The following RBM7 variants were observed in gnomAD, a reference collection of about 807,000 sequenced individuals.
RBM7 encodes RNA binding motif protein 7.
Under a neutral mutation model 31.0 loss-of-function variants are expected in RBM7, and 13 were observed. The ratio of observed to expected loss-of-function variants is 0.42; its 90% CI spans 0.27 to 0.67. The LOEUF is 0.67. Ranked by LOEUF, RBM7 falls within the 30% of genes least tolerant of loss-of-function variation. RBM7 has a pLI of 0.24. For synonymous variants in RBM7, 106 were observed against 111.2 expected (o/e 0.95, Z 0.30); for missense variants, 245 against 326.2 (o/e 0.75, Z 1.92).
intron 3 of RBM7, among the ~76,000 whole-genome samples, chr11:114,403,535 T>C (rs1946230679): frequency 6.6e-6 from 1 of 152,206 alleles, no homozygotes; most frequent in African/African-American, 2.4e-5. Flanking sequence ...TTTATTTGCT[T>C]TGGGGAGGTT....
rs1295115454 is a variant in RBM7, at chr11:114,406,086, T to C, written c.441+287T>C. ...AAAACTGCTTTTACATTTGTTTTTC[T>C]TTTCAACCATCATTTACTCATTGTC... On this transcript the variant is annotated intron_variant, in intron 4 of 4. Transcript: ENST00000375490. 1.4e-5 allele frequency: 4 copies of C among 287,922 alleles called. No individual in the cohort carries two copies. In the East Asian group the frequency reaches 3.8e-4, roughly 28 times the overall value. 17.8% of individuals were successfully genotyped at this position (287,922 alleles called of 1,614,324 possible). A position where few individuals can be genotyped will look rare whatever the true frequency, so the allele number is the denominator to read the frequency against.
rs1424241387 is a variant in RBM7, at chr11:114,405,806, T to G, written c.441+7T>G. On this transcript the variant is annotated splice_region_variant and intron_variant, in intron 4 of 4. Coordinates refer to ENST00000375490, the MANE Select transcript of RBM7 (RefSeq NM_001286045.2). ...TTTTCAGAGACAAGCAGTGGTAGGT[T>G]GACTATTTTTCAACTTGAATTGCCA... The G allele has an allele frequency of 6.5e-7, 1 of 1,546,498 alleles. No individual in the cohort carries two copies. The highest frequency in any genetic ancestry group is 8.8e-7 in the Non-Finnish European group (1 of 1,137,998).
intron 1 of RBM7, among the ~76,000 whole-genome samples, chr11:114,401,140 A>C (rs1946194327): frequency 6.6e-6 from 1 of 152,166 alleles, no homozygotes; most frequent in Non-Finnish European, 1.5e-5. Context: ...CTGGGAACTT[A>C]ATATTTTAAT....
intron 4 of RBM7, 62 bp downstream of exon 4, chr11:114,405,861 G>A (rs995770762): frequency 1.5e-5 from 18 of 1,186,144 alleles, no homozygotes; most frequent in Non-Finnish European, 1.9e-5. Flanking sequence ...TAAAATGTTC[G>A]CATTGTATCA....
intron 4 of RBM7, 25 bp from the exon 5 acceptor site, chr11:114,407,420 C>A: frequency 6.3e-7 from 1 of 1,585,062 alleles, no homozygotes; most frequent in Non-Finnish European, 8.6e-7. Flanking sequence ...GAAGTATTAA[C>A]ATTTCCACTT....
rs2135348678 is a variant in RBM7 at position 114,401,832 on chromosome 11, A to G, written c.231A>G (p.Gly77=). The G allele has an allele frequency of 6.3e-7, 1 of 1,591,856 alleles. No homozygotes were observed. Among genetic ancestry groups the G allele is most frequent in the Non-Finnish European group, 8.5e-7 (1 of 1,172,604 alleles). ...TACTTAATGGAATCAAACTTTATGG[A>G]AGGCCTATCAAAATTCAATTTAGAT... ...MNLLNGIKLY[G]RPIKIQFRSG... The change falls in exon 2 of 5, where the codon GGA becomes GGG. Residue 77 remains glycine (G), a synonymous_variant. Transcript: ENST00000375490.
intron 2 of RBM7, 129 bp downstream of exon 2, chr11:114,401,989 A>G (rs1946208653): frequency 1.1e-6 from 1 of 922,078 alleles, no homozygotes; most frequent in Non-Finnish European, 1.6e-6. Context: ...AACTTTATAT[A>G]GCAAACTTTA....
intron 2 of RBM7, 104 bp from the exon 3 acceptor site, chr11:114,402,724 C>T: frequency 1.9e-6 from 2 of 1,026,618 alleles, no homozygotes; most frequent in South Asian, 1.4e-5. Flanking sequence ...AGATTTTTCT[C>T]TTTTAGATTG....
In RBM7 at chr11:114,402,854, A is replaced by G. The variant is rs758154213; in HGVS notation, c.286A>G (p.Ser96Gly). The change falls in exon 3 of 5, where the codon AGT (serine) becomes GGT (glycine). Residue 96 changes from serine (S) to glycine (G), a missense_variant. Physicochemically the swap from Ser to Gly is moderately conservative, Grantham distance 56. Coordinates refer to ENST00000375490, the MANE Select transcript of RBM7 (RefSeq NM_001286045.2). Reference sequence around the variant, plus strand: ...AAGTAGTCATGCCCCACAAGATGTCAGTTTGTCATATCCCCAACATCATGT... The same window carrying G: ...AAGTAGTCATGCCCCACAAGATGTCGGTTTGTCATATCCCCAACATCATGT... ...SGSSHAPQDV[S>G]LSYPQHHVGN... The G allele has an allele frequency of 2.5e-6, 4 of 1,613,092 alleles. No homozygotes were observed. The highest frequency in any genetic ancestry group is 2.2e-5 in the East Asian group (1 of 44,862).
At position 114,402,908 on chromosome 11, in the gene RBM7, C is replaced by A; in HGVS notation, c.340C>A (p.Pro114Thr). 6.2e-7 allele frequency: 1 copy of A among 1,603,808 alleles called. No homozygotes were observed. Among genetic ancestry groups the A allele is most frequent in the Non-Finnish European group, 8.5e-7 (1 of 1,170,672 alleles). ...AAATTCAAGCCCTACCTCCACATCT[C>A]CTAGCAGGTAATATTTCTCACTTAT... Reference protein sequence around the residue: ...VGNSSPTSTSPSSRYERTMDN... With the variant: ...VGNSSPTSTSTSSRYERTMDN... Residue 114 changes from proline (P) to threonine (T), a missense_variant, in exon 3 of 5, where the codon CCT (proline) becomes ACT (threonine). Pro to Thr is a conservative substitution (Grantham distance 38). Transcript: ENST00000375490.
Position 114,407,434 on chromosome 11 carries a change from C to G in RBM7, c.442-11C>G, listed in dbSNP as rs374756864. On this transcript the variant is annotated splice_polypyrimidine_tract_variant and intron_variant, in intron 4 of 4. Coordinates refer to ENST00000375490, the MANE Select transcript of RBM7 (RefSeq NM_001286045.2). Reference sequence around the variant, plus strand: ...AGAAGTATTAACATTTCCACTTTTCCTATTCCTCAGATGAACAGTGCTTTG... The same window carrying G: ...AGAAGTATTAACATTTCCACTTTTCGTATTCCTCAGATGAACAGTGCTTTG... 1.3e-6 allele frequency: 2 copies of G among 1,596,578 alleles called. No homozygotes were observed. Among genetic ancestry groups the G allele is most frequent in the Non-Finnish European group, 1.7e-6 (2 of 1,169,756 alleles).
chr11:114,400,881 T>G (rs1946190193), intron 1 of RBM7, 114 bp downstream of exon 1: 1 of 1,234,992 alleles, frequency 8.1e-7, no homozygotes, highest in African/African-American at 1.5e-5. Context: ...GGTGGCTGTT[T>G]GGGGGTGAAA....
Position 114,407,849 on chromosome 11 carries a change from C to G in RBM7, c.*42C>G. 2.6e-6 allele frequency: 4 copies of G among 1,528,546 alleles called. No homozygotes were observed. The highest frequency in any genetic ancestry group is 3.5e-6 in the Non-Finnish European group (4 of 1,142,756). The allele number at this position is 1,528,546 out of a possible 1,614,324, so 94.7% of individuals were successfully genotyped here. ...ATTGTTTTTATAGGGTCATTTTAGG[C>G]CCTTTGACTAAGTTGATATGGAAAT... On this transcript the variant is annotated 3_prime_UTR_variant, in exon 5 of 5. Transcript: ENST00000375490.
At position 114,407,551 on chromosome 11, in the gene RBM7, A is replaced by C; in HGVS notation, c.548A>C (p.Asn183Thr). The C allele has an allele frequency of 6.2e-7, 1 of 1,614,200 alleles. No homozygotes were observed. The highest frequency in any genetic ancestry group is 8.5e-7 in the Non-Finnish European group (1 of 1,180,042). ...GTTCAATCACACAGTCATAGTTTCA[A>C]TCAGTCTTCAAGCTCCCAGTGGCGC... ...PSVQSHSHSF[N>T]QSSSSQWRQG... The change falls in exon 5 of 5, where the codon AAT (asparagine) becomes ACT (threonine). Residue 183 changes from asparagine (N) to threonine (T), a missense_variant. Physicochemically the swap from Asn to Thr is moderately conservative, Grantham distance 65. Coordinates refer to ENST00000375490, the MANE Select transcript of RBM7 (RefSeq NM_001286045.2).
At chr11:114,405,611 T>C (rs747269979) in intron 3 of RBM7, 95 bp from the exon 4 acceptor site, 60 of 749,574 alleles carry the variant, frequency 8.0e-5, no homozygotes, top group Non-Finnish European at 1.2e-4. Context: ...TTTCCTGTCT[T>C]GTTCATTCCG....
chr11:114,409,867 C>T lies in RBM7; in HGVS notation c.*2060C>T, dbSNP rs866742027. 1.3e-5 allele frequency: 2 copies of T among 152,152 alleles called. No individual in the cohort carries two copies. Among genetic ancestry groups the T allele is most frequent in the African/African-American group, 4.8e-5 (2 of 41,426 alleles). The allele number at this position is 152,152 out of a possible 1,614,324, so 9.4% of individuals were successfully genotyped here. On this transcript the variant is annotated 3_prime_UTR_variant, in exon 5 of 5. Transcript: ENST00000375490. ...ACATGTATTGTGTAAAGGGACAGGA[C>T]AAGACAGCCTTAAAAAATTGAATAT...
rs1471371028 is a variant in RBM7 at position 114,407,451 on chromosome 11, AGTGCTT to A, written c.449_454del (p.Ser150_Leu152delinsMet). 6.2e-7 allele frequency: 1 copy of A among 1,609,120 alleles called. No homozygotes were observed. The highest frequency in any genetic ancestry group is 8.5e-7 in the Non-Finnish European group (1 of 1,176,524). On this transcript the variant is annotated inframe_deletion, in exon 5 of 5. Transcript: ENST00000375490. ...CACTTTTCCTATTCCTCAGATGAAC[AGTGCTT>A]TGAGACAAATGTCATATGGTGGAAA...
intron 3 of RBM7, 23 bp from the exon 4 acceptor site, chr11:114,405,683 T>C: frequency 6.8e-7 from 1 of 1,479,612 alleles, no homozygotes; most frequent in East Asian, 2.3e-5. Context: ...GAATGAATGG[T>C]TACATGTTGG....
chr11:114,403,028 CCGTT>C, intron 3 of RBM7, 113 bp downstream of exon 3: 1 of 939,090 alleles, frequency 1.1e-6, no homozygotes, highest in East Asian at 2.5e-5. Context: ...CTTCATTCTG[CCGTT>C]ATTACTTGCC....
Sources: allele counts gnomAD v4.1 joint callset (sites outside exome capture counted in the v4.1 genomes callset), GRCh38; gene constraint gnomAD v4.1.1; transcripts MANE v1.5; gene names NCBI Gene and HGNC (gene_info 2026-07-23, HGNC 2026-07-21).